Variants in ASTN2 observed in about 807,000 individuals in gnomAD.
ASTN2 encodes astrotactin 2.
In ASTN2, 54 loss-of-function variants were observed where a neutral mutation model predicts 139.8. The observed-to-expected ratio is 0.39, with a 90% CI of 0.31 to 0.48. ASTN2 has a LOEUF of 0.48. Among genes scored for constraint, ASTN2 ranks in the 20% least tolerant of loss-of-function variants. The pLI is 0.95. For missense variants in ASTN2, 1,565 were observed against 1,725.1 expected (o/e 0.91, Z 1.64); for synonymous variants, 756 against 719.5 (o/e 1.05, Z -0.81).
intron 19 of ASTN2, among the ~76,000 whole-genome samples, chr9:116,610,449 A>G (rs1309957249): frequency 6.6e-6 from 1 of 152,154 alleles, no homozygotes; most frequent in Non-Finnish European, 1.5e-5. Context: ...TACTAAAAAT[A>G]CAAAAATTAG....
intron 4 of ASTN2, among the ~76,000 whole-genome samples, chr9:117,103,758 T>C (rs1192215766): frequency 1.3e-5 from 2 of 152,170 alleles, no homozygotes; most frequent in Non-Finnish European, 2.9e-5. Context: ...TAAAGAAATA[T>C]GTGGTTCAGG....
chr9:116,454,460 CT>C (rs1261609118), intron 20 of ASTN2, among the ~76,000 whole-genome samples: 2 of 151,964 alleles, frequency 1.3e-5, no homozygotes, highest in East Asian at 3.9e-4. Flanking sequence ...GGACTGTAAA[CT>C]AGTTCAACCA....
chr9:116,792,660 GGCTGCTGCAAA>G (rs933463335), intron 13 of ASTN2, among the ~76,000 whole-genome samples: 3 of 152,060 alleles, frequency 2.0e-5, no homozygotes, highest in African/African-American at 7.2e-5. Flanking sequence ...TGTCTCCCCT[GGCTGCTGCAAA>G]ACTGAAACAT....
intron 16 of ASTN2, among the ~76,000 whole-genome samples, chr9:116,670,500 C>G (rs976346229): frequency 1.3e-5 from 2 of 152,062 alleles, no homozygotes; most frequent in Admixed American, 1.3e-4. Flanking sequence ...TCCTATTCTT[C>G]AAAATAAAAC....
intron 4 of ASTN2, among the ~76,000 whole-genome samples, chr9:117,120,018 GTATATA>G (rs200361826): frequency 0.013 from 603 of 45,998 alleles, 19 homozygotes; most frequent in African/African-American, 0.047. Flanking sequence ...GTGTGTGTGT[GTATATA>G]TATATATATA....
Position 117,221,204 on chromosome 9 carries a change from G to A in ASTN2, c.631-6462C>T, listed in dbSNP as rs562044144. 2.6e-5 allele frequency among the ~76,000 whole-genome samples: 4 copies of A among 152,192 alleles called. No individual in the cohort carries two copies. In the South Asian group the frequency reaches 6.2e-4, roughly 24 times the overall value. ...GCTGCTTTTACTTTCTCCAATGCCA[G>A]TGCCTTCAGCTGGTTTTCTTACGTA... On this transcript the variant is annotated intron_variant, in intron 2 of 22. Coordinates refer to ENST00000313400, the MANE Select transcript of ASTN2 (RefSeq NM_001365068.1).
chr9:117,188,005 T>C (rs1831245958), intron 3 of ASTN2, among the ~76,000 whole-genome samples: 1 of 152,060 alleles, frequency 6.6e-6, no homozygotes, highest in Non-Finnish European at 1.5e-5. Context: ...ATAGATATTT[T>C]GAGGTGGGTA....
Position 116,849,023 on chromosome 9 carries a change from A to C in ASTN2, c.2040+14560T>G, listed in dbSNP as rs1832517345. On this transcript the variant is annotated intron_variant, in intron 11 of 22. Transcript: ENST00000313400. Reference sequence around the variant, plus strand: ...TGAACTTGCTACAGCAGCTCACAGAACTCAGGGAAATACTTATGTTCCCTG... The same window carrying C: ...TGAACTTGCTACAGCAGCTCACAGACCTCAGGGAAATACTTATGTTCCCTG... 2.0e-5 allele frequency among the ~76,000 whole-genome samples: 3 copies of C among 152,118 alleles called. No individual in the cohort carries two copies. In the South Asian group the frequency reaches 6.2e-4, roughly 32 times the overall value.
rs1847287402 is a variant in ASTN2, at chr9:116,425,780, C to T, written c.*71G>A. On this transcript the variant is annotated 3_prime_UTR_variant, in exon 23 of 23. Transcript: ENST00000313400. ...AGCTGTCCCCCAGCCCACCCAGGCC[C>T]CAGGATCCAGGAGAATACTGCTCCC... 1.2e-6 allele frequency: 2 copies of T among 1,608,126 alleles called. No homozygotes were observed. The highest frequency in any genetic ancestry group is 1.7e-6 in the Non-Finnish European group (2 of 1,176,332).
chr9:116,458,548 C>G (rs1848398328), intron 20 of ASTN2, among the ~76,000 whole-genome samples: 1 of 151,748 alleles, frequency 6.6e-6, no homozygotes. Flanking sequence ...TAAGTTCAGT[C>G]AAGCAGGTTA....
intron 5 of ASTN2, among the ~76,000 whole-genome samples, chr9:117,062,144 A>G (rs959750271): frequency 6.6e-6 from 1 of 152,060 alleles, no homozygotes; most frequent in South Asian, 2.1e-4. Context: ...TGAGGGGCCA[A>G]CTCCAGCAGG....
chr9:116,554,187 A>T (rs913199666), intron 19 of ASTN2, among the ~76,000 whole-genome samples: 20 of 152,204 alleles, frequency 1.3e-4, no homozygotes, highest in Non-Finnish European at 2.9e-4. Flanking sequence ...AATATGTATT[A>T]TCTCTCGTAA....
chr9:117,037,503 TCA>T (rs1288915942), intron 6 of ASTN2, among the ~76,000 whole-genome samples: 2 of 152,172 alleles, frequency 1.3e-5, no homozygotes, highest in African/African-American at 4.8e-5. Flanking sequence ...AGAGGGGAAT[TCA>T]CTTGGCTATC....
chr9:116,755,070 A>G (rs1258943129), intron 13 of ASTN2, among the ~76,000 whole-genome samples: 1 of 152,158 alleles, frequency 6.6e-6, no homozygotes, highest in Non-Finnish European at 1.5e-5. Flanking sequence ...TGCCCCTGCC[A>G]CCAACTCCGG....
intron 2 of ASTN2, among the ~76,000 whole-genome samples, chr9:117,253,377 C>T (rs760574043): frequency 1.3e-5 from 2 of 152,164 alleles, no homozygotes; most frequent in African/African-American, 2.4e-5. Context: ...CTGAGGCAAA[C>T]AGAGCTCCAG....
At chr9:116,945,766 C>T (rs1362932287) in intron 10 of ASTN2, among the ~76,000 whole-genome samples, 1 of 152,110 alleles carries the variant, frequency 6.6e-6, no homozygotes, top group Non-Finnish European at 1.5e-5. Flanking sequence ...TCTGGATGTC[C>T]CGTGTTTTGT....
At chr9:117,300,885 C>T (rs1248629587) in intron 1 of ASTN2, among the ~76,000 whole-genome samples, 1 of 152,162 alleles carries the variant, frequency 6.6e-6, no homozygotes, top group Admixed American at 6.5e-5. Context: ...ACTCCTCCTC[C>T]CCAACCCCAG....
chr9:116,934,182 G>C (rs184723491), intron 10 of ASTN2, among the ~76,000 whole-genome samples: 1 of 152,018 alleles, frequency 6.6e-6, no homozygotes, highest in African/African-American at 2.4e-5. Flanking sequence ...CCACAAATGA[G>C]AAGCTACTGC....
chr9:116,870,447 A>C (rs1833131872), intron 10 of ASTN2, among the ~76,000 whole-genome samples: 1 of 152,218 alleles, frequency 6.6e-6, no homozygotes, highest in South Asian at 2.1e-4. Context: ...TAAATATCTG[A>C]GTACCTGCTG....
Sources: allele counts gnomAD v4.1 joint callset (sites outside exome capture counted in the v4.1 genomes callset), GRCh38; gene constraint gnomAD v4.1.1; transcripts MANE v1.5; gene names NCBI Gene and HGNC (gene_info 2026-07-23, HGNC 2026-07-21).